ISM2: variants seen among roughly 807,000 people sequenced by gnomAD.
ISM2 encodes the protein isthmin 2.
Under a neutral mutation model 58.0 loss-of-function variants are expected in ISM2, and 50 were observed. The ratio of observed to expected loss-of-function variants is 0.86; its 90% CI spans 0.69 to 1.09. The LOEUF (loss-of-function observed/expected upper bound fraction) is 1.09, where lower values mean the gene tolerates loss of function less well. Among genes scored for constraint, ISM2 ranks in the 50% least tolerant of loss-of-function variants. The pLI, the probability that ISM2 is intolerant of heterozygous loss-of-function variation, is 0.00. For synonymous variants in ISM2, 303 were observed against 312.4 expected (o/e 0.97, Z 0.32); for missense variants, 723 against 745.0 (o/e 0.97, Z 0.34).
intron 1 of ISM2, among the ~76,000 whole-genome samples, chr14:77,490,598 A>C (rs547702906): frequency 1.4e-4 from 21 of 152,306 alleles, no homozygotes; most frequent in African/African-American, 5.1e-4. Context: ...TGTGCTCTTA[A>C]GCCTTGTGCT....
intron 1 of ISM2, among the ~76,000 whole-genome samples, chr14:77,487,777 G>A (rs1263174303): frequency 2.0e-5 from 3 of 152,180 alleles, no homozygotes; most frequent in African/African-American, 4.8e-5. Context: ...GGGTAGGGGA[G>A]CGAGACAGGG....
In ISM2 at chr14:77,497,737, A is replaced by AGGAGGGAGGGAGGGAG. The variant is rs1292866877; in HGVS notation, c.141+900_141+915dup. Among the ~76,000 whole-genome samples, 119 of 46,322 alleles carry AGGAGGGAGGGAGGGAG rather than the reference A, an allele frequency of 2.6e-3. 1 individual carries two copies. Among genetic ancestry groups the AGGAGGGAGGGAGGGAG allele is most frequent in the African/African-American group, 7.9e-3 (114 of 14,470 alleles). 30.4% of individuals were successfully genotyped at this position (46,322 alleles called of 152,430 possible). Reference sequence around the variant, plus strand: ...AGGGAGAAAGAAAAAGTAGGAAGGAAGGAGGGAGGGAGGGAGGGAGGGAGG... The same window carrying AGGAGGGAGGGAGGGAG: ...AGGGAGAAAGAAAAAGTAGGAAGGAAGGAGGGAGGGAGGGAGGGAGGGAGGGAGGGAGGGAGGGAGG... On this transcript the variant is annotated intron_variant, in intron 1 of 6. Coordinates refer to ENST00000342219, the MANE Select transcript of ISM2 (RefSeq NM_199296.3).
chr14:77,475,921 G>T lies in ISM2; in HGVS notation c.1390C>A (p.Arg464Ser), dbSNP rs202155629. The T allele has an allele frequency of 6.2e-7, 1 of 1,600,180 alleles. No homozygotes were observed. The change falls in exon 7 of 7, where the codon CGC becomes AGC. Residue 464 changes from arginine to serine, a missense_variant. By Grantham distance (110) the Arg-to-Ser change is moderately radical. Coordinates refer to ENST00000342219, the MANE Select transcript of ISM2 (RefSeq NM_199296.3). This position sits in a 1 kb window ranked among gnomAD's most constrained non-coding sequence, Gnocchi z 4.1. The part of the protein sequence containing the change: ...RWRDASGPRE[R>S]LDIYQPTARF... ...GCCGTGGGCTGGTAGATGTCCAGGC[G>T]CTCGCGAGGGCCACTGGCATCCCTC...
intron 1 of ISM2, among the ~76,000 whole-genome samples, chr14:77,487,265 A>G (rs2079174061): frequency 6.6e-6 from 1 of 151,386 alleles, no homozygotes; most frequent in South Asian, 2.1e-4. Flanking sequence ...ATAAATAAAT[A>G]AATAAATAAA....
rs1447092821 is a variant in ISM2 at position 77,488,184 on chromosome 14, G to C, written c.142-3265C>G. On this transcript the variant is annotated intron_variant, in intron 1 of 6. Transcript: ENST00000342219. The stretch of plus-strand genomic sequence containing the variant: ...ACTGTGGGATACTGTGCTGAGCACA[G>C]TGCCTGATACATTATAGGAGCCCGA... 2.6e-5 allele frequency among the ~76,000 whole-genome samples: 4 copies of C among 152,356 alleles called. No homozygotes were observed. The East Asian group carries it at 7.7e-4, about 29-fold the overall frequency.
chr14:77,485,512 C>T (rs2079162462), intron 1 of ISM2, among the ~76,000 whole-genome samples: 1 of 152,272 alleles, frequency 6.6e-6, no homozygotes, highest in African/African-American at 2.4e-5. Context: ...CCAGTTCATC[C>T]CTGCCAACAG....
chr14:77,478,816 T>C (rs2079114682), intron 4 of ISM2, 101 bp from the exon 5 acceptor site: 1 of 1,231,520 alleles, frequency 8.1e-7, no homozygotes, highest in Non-Finnish European at 1.2e-6. Flanking sequence ...ATGCAGCCCA[T>C]GCCAGGGCTT....
At position 77,475,877 on chromosome 14, in the gene ISM2, G is replaced by A. The variant is rs772148791; in HGVS notation, c.1434C>T (p.Ser478=). 1 of 1,607,028 alleles carries A rather than the reference G, an allele frequency of 6.2e-7. No homozygotes were observed. Among genetic ancestry groups the A allele is most frequent in the Admixed American group, 1.7e-5 (1 of 60,006 alleles). ...YQPTARFCLR[S]MLSGESSTLA... ...GTGTGCTGCTCTCCCCAGACAGCAT[G>A]GAACGCAGGCAGAAGCGCGCCGTGG... The change falls in exon 7 of 7, where the codon TCC becomes TCT. Residue 478 remains serine (S), a synonymous_variant. Coordinates refer to ENST00000342219, the MANE Select transcript of ISM2 (RefSeq NM_199296.3). The surrounding 1 kb of genome is among the most constrained non-coding windows in gnomAD (Gnocchi z 4.1).
intron 1 of ISM2, among the ~76,000 whole-genome samples, chr14:77,497,099 G>A (rs1369529513): frequency 6.6e-6 from 1 of 151,784 alleles, no homozygotes; most frequent in Non-Finnish European, 1.5e-5. Context: ...GCTGGGTGCA[G>A]TGGCTCACAC....
chr14:77,487,567 C>T (rs1419520840), intron 1 of ISM2, among the ~76,000 whole-genome samples: 3 of 152,224 alleles, frequency 2.0e-5, no homozygotes, highest in Admixed American at 2.0e-4. Context: ...AGTGTCACAG[C>T]CACACGTGCC....
chr14:77,485,278 G>A (rs547537805), intron 1 of ISM2, among the ~76,000 whole-genome samples: 3 of 152,336 alleles, frequency 2.0e-5, no homozygotes, highest in African/African-American at 7.2e-5. Flanking sequence ...TGCAGACAAT[G>A]TGCCTCCCAC....
Position 77,475,691 on chromosome 14 carries a change from G to C in ISM2, c.1620C>G (p.Leu540=). Residue 540 remains leucine (L), a synonymous_variant, in exon 7 of 7, where the codon CTC becomes CTG. Coordinates refer to ENST00000342219, the MANE Select transcript of ISM2 (RefSeq NM_199296.3). This position sits in a 1 kb window ranked among gnomAD's most constrained non-coding sequence, Gnocchi z 4.1. ...WILCKGDWSR[L]HAVLPPNNGR... Reference sequence around the variant, plus strand: ...CGTTGTTGGGAGGGAGCACAGCGTGGAGGCGGCTCCAGTCCCCCTTGCACA... The same window carrying C: ...CGTTGTTGGGAGGGAGCACAGCGTGCAGGCGGCTCCAGTCCCCCTTGCACA... The C allele has an allele frequency of 6.2e-7, 1 of 1,614,112 alleles. No homozygotes were observed. Among genetic ancestry groups the C allele is most frequent in the Non-Finnish European group, 8.5e-7 (1 of 1,180,008 alleles).
In ISM2 at chr14:77,478,637, C is replaced by T. The variant is rs1005045450; in HGVS notation, c.1052G>A (p.Arg351Gln). Reference protein sequence around the residue: ...NCSTGKQQRTRPCGYGCTATE... With the variant: ...NCSTGKQQRTQPCGYGCTATE... ...GGCAGTGCAGCCATAGCCACAGGGC[C>T]GAGTCCTCTGCTGCTTGCCAGTGCT... Residue 351 changes from arginine to glutamine, a missense_variant, in exon 5 of 7, where the codon CGG (arginine) becomes CAG (glutamine). Transcript: ENST00000342219. The T allele has an allele frequency of 6.2e-6, 10 of 1,613,738 alleles. No homozygotes were observed. Among genetic ancestry groups the T allele is most frequent in the African/African-American group, 2.7e-5 (2 of 74,856 alleles).
chr14:77,496,304 C>T (rs1267724983), intron 1 of ISM2, among the ~76,000 whole-genome samples: 5 of 149,828 alleles, frequency 3.3e-5, no homozygotes, highest in Admixed American at 6.6e-5. Flanking sequence ...GCCTGACCAA[C>T]ATGCAGAAAC....
At chr14:77,491,636 C>T (rs1259678601) in intron 1 of ISM2, among the ~76,000 whole-genome samples, 3 of 152,074 alleles carry the variant, frequency 2.0e-5, no homozygotes, top group Admixed American at 1.3e-4. Flanking sequence ...AGGTGATCCA[C>T]CCGCCCTGGC....
chr14:77,495,090 A>G (rs187946671), intron 1 of ISM2, among the ~76,000 whole-genome samples: 71 of 152,042 alleles, frequency 4.7e-4, no homozygotes, highest in South Asian at 2.1e-3. Context: ...GGTTTTCGCC[A>G]TGTTGCTCAG....
chr14:77,493,243 G>A (rs1479623820), intron 1 of ISM2, among the ~76,000 whole-genome samples: 1 of 152,068 alleles, frequency 6.6e-6, no homozygotes. Context: ...TGATCCACCT[G>A]CCTTGGCTTC....
At chr14:77,497,999 G>A (rs1027080819) in intron 1 of ISM2, among the ~76,000 whole-genome samples, 9 of 152,170 alleles carry the variant, frequency 5.9e-5, no homozygotes, top group Admixed American at 6.6e-5. Flanking sequence ...CTGCATTCCA[G>A]GGGGCAATAA....
intron 1 of ISM2, among the ~76,000 whole-genome samples, chr14:77,486,014 T>A (rs2079165381): frequency 6.6e-6 from 1 of 152,234 alleles, no homozygotes. Context: ...CCAGGCACTA[T>A]TCTAAACACT....
Sources: gnomAD v4.1 joint callset for allele counts (sites outside exome capture counted in the v4.1 genomes callset) on GRCh38, gnomAD v4.1.1 for gene constraint, Gnocchi (gnomAD v3.1) non-coding constraint, MANE v1.5 for transcripts, NCBI Gene and HGNC (gene_info 2026-07-23, HGNC 2026-07-21) for gene names.